The following ATP6V1C2 variants were observed in gnomAD, a reference collection of about 807,000 sequenced individuals.
The protein encoded by ATP6V1C2 is ATPase H+ transporting V1 subunit C2.
ATP6V1C2 carries 45 observed loss-of-function variants against 56.8 expected under a neutral mutation model. The ratio of observed to expected loss-of-function variants is 0.79; its 90% confidence interval spans 0.62 to 1.02. The LOEUF is 1.02. ATP6V1C2 is among the 50% of genes least tolerant of loss of function. The pLI, the probability that ATP6V1C2 is intolerant of heterozygous loss-of-function variation, is 0.00. For synonymous variants in ATP6V1C2, 220 were observed against 201.3 expected (o/e 1.09, Z -0.79); for missense variants, 463 against 519.7 (o/e 0.89, Z 1.06).
intron 8 of ATP6V1C2, among the ~76,000 whole-genome samples, chr2:10,774,123 C>A (rs1013300699): frequency 6.6e-5 from 10 of 152,252 alleles, no homozygotes; most frequent in African/African-American, 1.7e-4. Context: ...AAAGCCTGCA[C>A]AGATGACTCT....
chr2:10,771,832 C>A lies in ATP6V1C2; in HGVS notation c.471-7C>A. Reference sequence around the variant, plus strand: ...CTTTCACACCCTTTGTTCCACCTGCCTTTTAGGGGGAACCTCTTCACCCGG... The same window carrying A: ...CTTTCACACCCTTTGTTCCACCTGCATTTTAGGGGGAACCTCTTCACCCGG... On this transcript the variant is annotated splice_region_variant and splice_polypyrimidine_tract_variant and intron_variant, in intron 6 of 13. Coordinates refer to ENST00000272238, the MANE Select transcript of ATP6V1C2 (RefSeq NM_001039362.2). 1 of 1,611,352 alleles carries A rather than the reference C, an allele frequency of 6.2e-7. No homozygotes were observed. The highest frequency in any genetic ancestry group is 8.5e-7 in the Non-Finnish European group (1 of 1,177,482).
intron 8 of ATP6V1C2, among the ~76,000 whole-genome samples, chr2:10,774,550 C>G (rs1341515141): frequency 6.6e-6 from 1 of 152,214 alleles, no homozygotes; most frequent in Non-Finnish European, 1.5e-5. Flanking sequence ...AAGCCCAGGC[C>G]CCTACACTCC....
At chr2:10,762,945 C>T (rs1664010709) in intron 4 of ATP6V1C2, among the ~76,000 whole-genome samples, 3 of 152,180 alleles carry the variant, frequency 2.0e-5, no homozygotes, top group Non-Finnish European at 4.4e-5. Context: ...CCTCAGAGGA[C>T]TCCCCCAGAG....
At chr2:10,765,899 A>G (rs1664187783) in intron 5 of ATP6V1C2, among the ~76,000 whole-genome samples, 1 of 152,204 alleles carries the variant, frequency 6.6e-6, no homozygotes. Flanking sequence ...TCTCCAGTCC[A>G]GAGCACCCCT....
Position 10,778,582 on chromosome 2 carries a change from T to C in ATP6V1C2, c.974T>C (p.Leu325Pro), listed in dbSNP as rs1327708954. 1.9e-6 allele frequency: 3 copies of C among 1,614,186 alleles called. No individual in the cohort carries two copies. The highest frequency in any genetic ancestry group is 2.2e-5 in the East Asian group (1 of 44,890). Residue 325 changes from leucine (L) to proline (P), a missense_variant, in exon 12 of 14, where the codon CTG becomes CCG. Transcript: ENST00000272238. Reference protein sequence around the residue: ...ESEGEGEGPLLRWLKVNFSEA... With the variant: ...ESEGEGEGPLPRWLKVNFSEA... ...CTTCTGTCTTTGCAGGGCCCCCTGC[T>C]GCGCTGGCTCAAGGTGAACTTCAGT... is the stretch of plus-strand genomic sequence containing the variant.
chr2:10,774,725 T>G, intron 8 of ATP6V1C2, 63 bp from the exon 9 acceptor site: 1 of 1,465,654 alleles, frequency 6.8e-7, no homozygotes, highest in Non-Finnish European at 9.5e-7. Flanking sequence ...CCGGGGCCTC[T>G]GAGCCCCACT....
chr2:10,729,631 G>A (rs1360123788), intron 3 of ATP6V1C2, among the ~76,000 whole-genome samples: 8 of 152,194 alleles, frequency 5.3e-5, no homozygotes, highest in Non-Finnish European at 1.0e-4. Context: ...CAAGGCAGGA[G>A]GGACAGTTGA....
intron 10 of ATP6V1C2, among the ~76,000 whole-genome samples, chr2:10,776,267 G>T (rs749291385): frequency 2.0e-4 from 7 of 35,236 alleles, no homozygotes; most frequent in African/African-American, 8.9e-4. Flanking sequence ...GCTCACACAC[G>T]TGTGTGTGTG....
At position 10,778,624 on chromosome 2, in the gene ATP6V1C2, G is replaced by A; in HGVS notation, c.1016G>A (p.Trp339Ter). The A allele has an allele frequency of 6.2e-7, 1 of 1,614,202 alleles. No homozygotes were observed. The highest frequency in any genetic ancestry group is 8.5e-7 in the Non-Finnish European group (1 of 1,180,028). ...AACTTCAGTGAAGCCTTCATTGCCT[G>A]GATCCACATCAAGGCCCTGAGAGTG... ...KVNFSEAFIAWIHIKALRVFV... is the reference protein window; with the variant it reads ...KVNFSEAFIA The change falls in exon 12 of 14, where the codon TGG (tryptophan) becomes TAG (stop). Residue 339 changes from tryptophan to a stop codon, truncating the protein, a stop_gained. Coordinates refer to ENST00000272238, the MANE Select transcript of ATP6V1C2 (RefSeq NM_001039362.2). LOFTEE classifies it high-confidence loss of function.
At chr2:10,777,857 G>A in intron 11 of ATP6V1C2, 135 bp downstream of exon 11, 1 of 1,133,988 alleles carries the variant, frequency 8.8e-7, no homozygotes, top group Non-Finnish European at 1.2e-6. Flanking sequence ...TGAGGAGCCG[G>A]AATCATGCCT....
At chr2:10,725,701 G>GTT (rs2148404578) in intron 2 of ATP6V1C2, among the ~76,000 whole-genome samples, 1 of 151,004 alleles carries the variant, frequency 6.6e-6, no homozygotes, top group African/African-American at 2.4e-5. Context: ...TGCCATATTG[G>GTT]CCAGGCTGGT....
intron 8 of ATP6V1C2, 91 bp from the exon 9 acceptor site, chr2:10,774,697 A>G: frequency 9.3e-7 from 1 of 1,080,394 alleles, no homozygotes; most frequent in South Asian, 1.3e-5. Context: ...CATGGACCCC[A>G]GGTGCAGGCC....
chr2:10,782,466 G>GATTAC, intron 13 of ATP6V1C2, 91 bp downstream of exon 13: 3 of 1,430,816 alleles, frequency 2.1e-6, no homozygotes, highest in Non-Finnish European at 2.9e-6. Flanking sequence ...AACACTTTGG[G>GATTAC]AGGTAGGTGG....
chr2:10,775,381 T>G (rs1200741313), intron 10 of ATP6V1C2, among the ~76,000 whole-genome samples: 1 of 152,108 alleles, frequency 6.6e-6, no homozygotes, highest in African/African-American at 2.4e-5. Context: ...CTCCACAGTA[T>G]GGAGAAACTG....
In ATP6V1C2 at chr2:10,764,419, A is replaced by G; in HGVS notation, c.372A>G (p.Ile124Met). 6.2e-7 allele frequency: 1 copy of G among 1,613,812 alleles called. No individual in the cohort carries two copies. Among genetic ancestry groups the G allele is most frequent in the Non-Finnish European group, 8.5e-7 (1 of 1,179,694 alleles). The change falls in exon 5 of 14, where the codon ATA becomes ATG. Residue 124 changes from isoleucine to methionine, a missense_variant. Physicochemically the swap from Ile to Met is conservative, Grantham distance 10 (BLOSUM62 1). Coordinates refer to ENST00000272238, the MANE Select transcript of ATP6V1C2 (RefSeq NM_001039362.2). ...CGCTCGTGAGTGTGGTGGACACAAT[A>G]GCCAAGGTGAGAAAAGGGACTGCTC... ...KQPLVSVVDT[I>M]AKQLAQIEMD...
rs578159667 is a variant in ATP6V1C2 at position 10,733,730 on chromosome 2, T to C, written c.197+7161T>C. On this transcript the variant is annotated intron_variant, in intron 3 of 13. Transcript: ENST00000272238. ...TTGCGGTGTTGATTGACAGAGTGCA[T>C]TTCCCAGGCGCTGGGGCGGTCAGCG... 3.9e-5 allele frequency among the ~76,000 whole-genome samples: 6 copies of C among 151,944 alleles called. 1 individual carries two copies. In the South Asian group the frequency reaches 1.2e-3, roughly 32 times the overall value.
intron 5 of ATP6V1C2, 47 bp downstream of exon 5, chr2:10,764,472 C>G (rs373771274): frequency 2.0e-5 from 31 of 1,540,604 alleles, no homozygotes; most frequent in Non-Finnish European, 2.8e-5. Flanking sequence ...GTGGGTCAGG[C>G]GGGCAAGAGC....
At chr2:10,758,327 C>T (rs1015961787) in intron 4 of ATP6V1C2, among the ~76,000 whole-genome samples, 3 of 152,154 alleles carry the variant, frequency 2.0e-5, no homozygotes, top group African/African-American at 7.2e-5. Flanking sequence ...TCCCCAGTCC[C>T]GATGGTAGCA....
In ATP6V1C2 at chr2:10,726,512, T is replaced by C. The variant is rs750835309; in HGVS notation, c.140T>C (p.Leu47Ser). The change falls in exon 3 of 14, where the codon TTG becomes TCG. Residue 47 changes from leucine to serine, a missense_variant. Coordinates refer to ENST00000272238, the MANE Select transcript of ATP6V1C2 (RefSeq NM_001039362.2). ...TTATGATCTGTCTAGGTGGGGACCT[T>C]GGATTCCCTGGTTGGCCTCTCTGAT... ...FAIPDFKVGT[L>S]DSLVGLSDEL... The C allele has an allele frequency of 3.1e-6, 5 of 1,613,964 alleles. No homozygotes were observed. The highest frequency in any genetic ancestry group is 4.2e-6 in the Non-Finnish European group (5 of 1,179,856).
Sources: allele counts gnomAD v4.1 joint callset (sites outside exome capture counted in the v4.1 genomes callset), GRCh38; gene constraint gnomAD v4.1.1; transcripts MANE v1.5; gene names NCBI Gene and HGNC (gene_info 2026-07-23, HGNC 2026-07-21).